ERP44: variants seen among roughly 807,000 people sequenced by gnomAD.
ERP44 encodes endoplasmic reticulum resident protein 44.
Under a neutral mutation model 53.4 loss-of-function variants are expected in ERP44, and 25 were observed. The ratio of observed to expected loss-of-function variants is 0.47; its 90% confidence interval spans 0.34 to 0.65. The LOEUF (loss-of-function observed/expected upper bound fraction) is 0.65, where lower values mean the gene tolerates loss of function less well. ERP44 is among the 30% of genes least tolerant of loss of function. The pLI, the probability that ERP44 is intolerant of heterozygous loss-of-function variation, is 0.01. For missense variants in ERP44, 338 were observed against 493.2 expected (o/e 0.69, Z 2.98); for synonymous variants, 145 against 161.2 (o/e 0.90, Z 0.76).
chr9:100,041,542 C>A (rs1013060734), intron 4 of ERP44, among the ~76,000 whole-genome samples: 4 of 152,074 alleles, frequency 2.6e-5, no homozygotes, highest in Non-Finnish European at 4.4e-5. Flanking sequence ...GTGGCACGTG[C>A]CTGTAGTCCC....
At chr9:100,027,422 T>C (rs1354750504) in intron 4 of ERP44, among the ~76,000 whole-genome samples, 1 of 152,190 alleles carries the variant, frequency 6.6e-6, no homozygotes, top group East Asian at 1.9e-4. Context: ...CATTGATCAG[T>C]AATCTCAGAC....
chr9:99,982,558 C>T lies in ERP44; in HGVS notation c.*54G>A, dbSNP rs1327303258. ...TATGAAAATATAGGTTTACTATTTC[C>T]ACCACGTAGGTTGATGCTGCTGTTG... On this transcript the variant is annotated 3_prime_UTR_variant, in exon 12 of 12. Coordinates refer to ENST00000262455, the MANE Select transcript of ERP44 (RefSeq NM_015051.3). 3.8e-6 allele frequency: 3 copies of T among 782,112 alleles called. No individual in the cohort carries two copies. The highest frequency in any genetic ancestry group is 3.6e-5 in the African/African-American group (2 of 56,058). The allele number at this position is 782,112 out of a possible 1,614,324, so 48.4% of individuals were successfully genotyped here. A position where few individuals can be genotyped will look rare whatever the true frequency, so the allele number is the denominator to read the frequency against.
At chr9:100,015,284 C>T (rs1460196731) in intron 8 of ERP44, among the ~76,000 whole-genome samples, 3 of 152,164 alleles carry the variant, frequency 2.0e-5, no homozygotes, top group East Asian at 3.9e-4. Flanking sequence ...TATGCATACA[C>T]AAAGTTTTTA....
intron 1 of ERP44, among the ~76,000 whole-genome samples, chr9:100,092,903 T>G (rs1826577195): frequency 1.3e-5 from 2 of 152,298 alleles, no homozygotes; most frequent in Non-Finnish European, 1.5e-5. Flanking sequence ...GGAATACACA[T>G]TGGTACAAAT....
At chr9:100,035,564 A>G (rs913237284) in intron 4 of ERP44, among the ~76,000 whole-genome samples, 4 of 152,140 alleles carry the variant, frequency 2.6e-5, no homozygotes, top group Non-Finnish European at 2.9e-5. Context: ...AATCCCAGCT[A>G]TTTAGGAGGC....
chr9:100,093,656 A>AGGG (rs1826589987), intron 1 of ERP44, among the ~76,000 whole-genome samples: 1 of 152,116 alleles, frequency 6.6e-6, no homozygotes, highest in African/African-American at 2.4e-5. Flanking sequence ...GGGGGGAAAA[A>AGGG]AAAAGAACTG....
At chr9:100,048,779 C>T (rs1270137977) in intron 4 of ERP44, among the ~76,000 whole-genome samples, 1 of 152,160 alleles carries the variant, frequency 6.6e-6, no homozygotes, top group African/African-American at 2.4e-5. Context: ...AAGACAGATA[C>T]TGTATGATTC....
At chr9:99,986,331 T>C (rs1323632232) in intron 10 of ERP44, among the ~76,000 whole-genome samples, 1 of 152,236 alleles carries the variant, frequency 6.6e-6, no homozygotes, top group African/African-American at 2.4e-5. Flanking sequence ...AATTTACATT[T>C]CTTCACAAAT....
At chr9:99,989,781 A>G (rs891182828) in intron 10 of ERP44, among the ~76,000 whole-genome samples, 1 of 152,218 alleles carries the variant, frequency 6.6e-6, no homozygotes, top group African/African-American at 2.4e-5. Flanking sequence ...AAAACCTTGA[A>G]AAAAGATGAA....
intron 1 of ERP44, among the ~76,000 whole-genome samples, chr9:100,088,145 C>A (rs1027777419): frequency 2.6e-5 from 4 of 152,178 alleles, no homozygotes; most frequent in Non-Finnish European, 4.4e-5. Flanking sequence ...TTCTTCCCTA[C>A]TGAGTCAGAT....
chr9:99,998,439 T>C (rs1830338777), intron 10 of ERP44: 2 of 657,864 alleles, frequency 3.0e-6, no homozygotes, highest in Non-Finnish European at 5.6e-6. Flanking sequence ...CACTCCTTTC[T>C]GGGTGCCGGA....
In ERP44 at chr9:100,016,411, C is replaced by T; in HGVS notation, c.673G>A (p.Gly225Arg). ...GHSAPDMVYL[G>R]AMTNFDVTYN... ...GTCACATCAAAATTTGTCATAGCTC[C>T]CAAGTACACCATATCCGGAGCAGAA... is the stretch of plus-strand genomic sequence containing the variant. Residue 225 changes from glycine (G) to arginine (R), a missense_variant, in exon 8 of 12, where the codon GGA becomes AGA. By Grantham distance (125) the Gly-to-Arg change is moderately radical. Transcript: ENST00000262455. 1 of 1,611,700 alleles carries T rather than the reference C, an allele frequency of 6.2e-7. No homozygotes were observed. Among genetic ancestry groups the T allele is most frequent in the Non-Finnish European group, 8.5e-7 (1 of 1,179,214 alleles).
chr9:100,052,387 C>T (rs1443800445), intron 4 of ERP44, 30 bp downstream of exon 4: 3 of 1,209,532 alleles, frequency 2.5e-6, no homozygotes, highest in Admixed American at 4.1e-5. Flanking sequence ...ATGGGACAGT[C>T]TCTTCTAGAC....
chr9:100,067,964 C>G (rs1446092958), intron 1 of ERP44, among the ~76,000 whole-genome samples: 1 of 151,738 alleles, frequency 6.6e-6, no homozygotes, highest in Non-Finnish European at 1.5e-5. Flanking sequence ...CCGGCAGCCA[C>G]CCCGTCCGGG....
rs973645471 is a variant in ERP44 at position 100,072,542 on chromosome 9, G to T, written c.58-12370C>A. Among the ~76,000 whole-genome samples the T allele has an allele frequency of 5.3e-5, 8 of 152,252 alleles. No homozygotes were observed. The South Asian group carries it at 1.0e-3, about 20-fold the overall frequency. On this transcript the variant is annotated intron_variant, in intron 1 of 11. Transcript: ENST00000262455. The stretch of plus-strand genomic sequence containing the variant: ...CTAACTCTCTCTTTTCTTCTTTTGA[G>T]ATAGAGTTTTGCTCTTGTTGTCCAA...
chr9:100,004,984 T>A (rs1360711793), intron 10 of ERP44, among the ~76,000 whole-genome samples: 1 of 152,212 alleles, frequency 6.6e-6, no homozygotes, highest in Non-Finnish European at 1.5e-5. Context: ...AAAAACAATC[T>A]GATTATGTCA....
intron 1 of ERP44, among the ~76,000 whole-genome samples, chr9:100,062,097 C>A (rs1169075492): frequency 1.3e-5 from 2 of 152,130 alleles, no homozygotes; most frequent in Non-Finnish European, 2.9e-5. Flanking sequence ...CACAGAGATA[C>A]CAAGAAGAAT....
At chr9:100,010,349 A>G (rs766412345) in intron 8 of ERP44, among the ~76,000 whole-genome samples, 1 of 152,242 alleles carries the variant, frequency 6.6e-6, no homozygotes, top group Non-Finnish European at 1.5e-5. Context: ...TGCTTACAAC[A>G]TAATAAATCT....
chr9:100,024,076 C>A (rs1830625457), intron 4 of ERP44, among the ~76,000 whole-genome samples: 1 of 152,032 alleles, frequency 6.6e-6, no homozygotes, highest in South Asian at 2.1e-4. Context: ...ATCTCTTGAA[C>A]CTGGGAGGAG....
Sources: allele counts gnomAD v4.1 joint callset (sites outside exome capture counted in the v4.1 genomes callset), GRCh38; gene constraint gnomAD v4.1.1; transcripts MANE v1.5; gene names NCBI Gene and HGNC (gene_info 2026-07-23, HGNC 2026-07-21).